Variants in P3H2 observed in about 807,000 individuals in gnomAD.
The protein encoded by P3H2 is prolyl 3-hydroxylase 2.
In P3H2, 80 loss-of-function variants were observed where a neutral mutation model predicts 87.0. The observed-to-expected ratio is 0.92, with a 90% CI of 0.77 to 1.11. The LOEUF is 1.11. P3H2 is among the 50% of genes least tolerant of loss of function. The pLI is 0.00. For synonymous variants in P3H2, 367 were observed against 359.3 expected (o/e 1.02, Z -0.24); for missense variants, 1,001 against 923.9 (o/e 1.08, Z -1.08).
intron 8 of P3H2, among the ~76,000 whole-genome samples, chr3:189,974,915 T>C (rs1221979279): frequency 6.6e-6 from 1 of 152,234 alleles, no homozygotes; most frequent in East Asian, 1.9e-4. Flanking sequence ...CATGCGTACA[T>C]TATTTTGGGA....
Position 189,957,800 on chromosome 3 carries a change from TG to T in P3H2, c.*111del. 1.4e-6 allele frequency: 1 copy of T among 735,430 alleles called. No homozygotes were observed. Among genetic ancestry groups the T allele is most frequent in the South Asian group, 1.5e-5 (1 of 65,030 alleles). 45.6% of individuals were successfully genotyped at this position (735,430 alleles called of 1,614,324 possible). On this transcript the variant is annotated 3_prime_UTR_variant, in exon 15 of 15. Transcript: ENST00000319332. ...CATCCTTAGGAAGAGAAGGAAGATC[TG>T]ATGACTGACATTAACCTGTTAATTT... is the stretch of plus-strand genomic sequence containing the variant.
At chr3:190,029,755 T>A (rs1344090071) in intron 1 of P3H2, among the ~76,000 whole-genome samples, 2 of 151,964 alleles carry the variant, frequency 1.3e-5, no homozygotes, top group African/African-American at 2.4e-5. Flanking sequence ...AATCCCAGCA[T>A]TTTGGGAGGC....
At chr3:189,986,498 A>G (rs1169103013) in intron 6 of P3H2, among the ~76,000 whole-genome samples, 1 of 152,190 alleles carries the variant, frequency 6.6e-6, no homozygotes, top group East Asian at 1.9e-4. Context: ...CTGAGGCAGG[A>G]GAATTGCTTG....
chr3:190,077,902 C>CCA (rs1726922256), intron 1 of P3H2, among the ~76,000 whole-genome samples: 1 of 118,670 alleles, frequency 8.4e-6, no homozygotes, highest in Non-Finnish European at 1.8e-5. Context: ...TTCCTGGGAC[C>CCA]CATAGAGAGT....
chr3:190,076,102 T>A (rs1726867590), intron 1 of P3H2, among the ~76,000 whole-genome samples: 1 of 151,768 alleles, frequency 6.6e-6, no homozygotes, highest in South Asian at 2.1e-4. Flanking sequence ...TTGTTTCTCC[T>A]GGGCTGAACC....
chr3:190,095,839 T>A (rs1727566122), intron 1 of P3H2, among the ~76,000 whole-genome samples: 1 of 152,050 alleles, frequency 6.6e-6, no homozygotes, highest in Non-Finnish European at 1.5e-5. Context: ...CCTGACCTCG[T>A]GATTCGCCCA....
At chr3:189,961,142 TG>T (rs1192603984) in intron 14 of P3H2, among the ~76,000 whole-genome samples, 1 of 152,164 alleles carries the variant, frequency 6.6e-6, no homozygotes, top group Non-Finnish European at 1.5e-5. Context: ...GGTTTCGCCA[TG>T]TTGGCCAGGC....
intron 13 of P3H2, chr3:189,969,881 C>T: frequency 8.7e-7 from 1 of 1,147,894 alleles, no homozygotes; most frequent in Non-Finnish European, 1.3e-6. Context: ...GGAAAGGAAG[C>T]TGCAGTGGGC....
intron 1 of P3H2, among the ~76,000 whole-genome samples, chr3:190,005,428 G>C (rs1206872742): frequency 1.3e-5 from 2 of 152,198 alleles, no homozygotes; most frequent in Non-Finnish European, 2.9e-5. Flanking sequence ...ACTGAAAATA[G>C]CTTGGCAAAT....
At chr3:189,993,834 T>C (rs1289898821) in intron 3 of P3H2, among the ~76,000 whole-genome samples, 1 of 152,078 alleles carries the variant, frequency 6.6e-6, no homozygotes, top group Non-Finnish European at 1.5e-5. Flanking sequence ...ATATATAGTA[T>C]TGTCCTATTT....
At position 189,958,699 on chromosome 3, in the gene P3H2, CT is replaced by C. The variant is rs71175319; in HGVS notation, c.2035-696del. ...CCACTAGAGGGCAACATTGCTCCCT[CT>C]TTTTTTTTTTTTTTTTTTTTGAGAT... is the stretch of plus-strand genomic sequence containing the variant. On this transcript the variant is annotated intron_variant, in intron 14 of 14. Coordinates refer to ENST00000319332, the MANE Select transcript of P3H2 (RefSeq NM_018192.4). Among the ~76,000 whole-genome samples the C allele has an allele frequency of 1.6e-3, 191 of 120,226 alleles. 1 individual carries two copies. Among genetic ancestry groups the C allele is most frequent in the Middle Eastern group, 5.0e-3 (1 of 202 alleles). 78.9% of individuals were successfully genotyped at this position (120,226 alleles called of 152,430 possible).
chr3:189,965,283 G>A (rs1722940698), intron 13 of P3H2, among the ~76,000 whole-genome samples: 1 of 152,164 alleles, frequency 6.6e-6, no homozygotes, highest in Non-Finnish European at 1.5e-5. Context: ...CCCGGACTAC[G>A]TGACTACATA....
At chr3:189,974,799 T>C (rs563324484) in intron 8 of P3H2, 114 bp from the exon 9 acceptor site, 1 of 1,303,516 alleles carries the variant, frequency 7.7e-7, no homozygotes, top group Admixed American at 1.7e-5. Flanking sequence ...TTCATGAATA[T>C]TTAGAAATGC....
chr3:190,108,019 G>C (rs1054561978), intron 1 of P3H2, among the ~76,000 whole-genome samples: 3 of 151,058 alleles, frequency 2.0e-5, no homozygotes, highest in Non-Finnish European at 4.4e-5. Context: ...TATTACACAG[G>C]CAGTCTTGAA....
chr3:190,004,020 A>T (rs2108929671), intron 1 of P3H2, among the ~76,000 whole-genome samples: 1 of 152,328 alleles, frequency 6.6e-6, no homozygotes, highest in East Asian at 1.9e-4. Flanking sequence ...TAACATCTCA[A>T]GAATCTAGTT....
chr3:190,008,236 G>A (rs1043049548), intron 1 of P3H2, among the ~76,000 whole-genome samples: 5 of 151,948 alleles, frequency 3.3e-5, no homozygotes, highest in Non-Finnish European at 7.4e-5. Context: ...AGTTCGCTGT[G>A]CCTGAGACTA....
At chr3:190,028,397 G>A (rs990352310) in intron 1 of P3H2, among the ~76,000 whole-genome samples, 1 of 152,202 alleles carries the variant, frequency 6.6e-6, no homozygotes, top group African/African-American at 2.4e-5. Context: ...TCGGGACTGG[G>A]AGAAACAGAG....
At chr3:190,039,701 A>T (rs1725541282) in intron 1 of P3H2, among the ~76,000 whole-genome samples, 3 of 152,228 alleles carry the variant, frequency 2.0e-5, no homozygotes. Context: ...ATGGACTATG[A>T]TAAATCCCTC....
rs1723597900 is a variant in P3H2 at position 189,983,441 on chromosome 3, G to A, written c.1230-301C>T. On this transcript the variant is annotated intron_variant, in intron 7 of 14. Transcript: ENST00000319332. ...TCTCAAGTAGGAAAAAAATTATCAT[G>A]AGCATCTTTATAATGCTCAGAGTGT... 13 of 346,090 alleles carry A rather than the reference G, an allele frequency of 3.8e-5. No individual in the cohort carries two copies. The South Asian group carries it at 5.9e-4, about 16-fold the overall frequency. The allele number at this position is 346,090 out of a possible 1,614,324, so 21.4% of individuals were successfully genotyped here.
Sources: allele counts gnomAD v4.1 joint callset (sites outside exome capture counted in the v4.1 genomes callset), GRCh38; gene constraint gnomAD v4.1.1; transcripts MANE v1.5; gene names NCBI Gene and HGNC (gene_info 2026-07-23, HGNC 2026-07-21).